SLC2A13: variants seen among roughly 807,000 people sequenced by gnomAD.
SLC2A13 encodes the protein solute carrier family 2 member 13, also known as proton myo-inositol cotransporter.
In SLC2A13, 32 loss-of-function variants were observed where a neutral mutation model predicts 64.4. The ratio of observed to expected loss-of-function variants is 0.50; its 90% confidence interval spans 0.37 to 0.67. SLC2A13 has a LOEUF of 0.67. SLC2A13 is among the 30% of genes least tolerant of loss of function. SLC2A13 has a pLI of 0.00. For synonymous variants in SLC2A13, 338 were observed against 327.1 expected (o/e 1.03, Z -0.36); for missense variants, 743 against 829.2 (o/e 0.90, Z 1.28).
chr12:39,788,888 A>G (rs1941280474), intron 7 of SLC2A13, among the ~76,000 whole-genome samples: 1 of 152,154 alleles, frequency 6.6e-6, no homozygotes, highest in Non-Finnish European at 1.5e-5. Context: ...TATCACCATA[A>G]AATAAATATT....
chr12:39,904,433 G>T (rs774920643), intron 4 of SLC2A13, among the ~76,000 whole-genome samples: 15 of 152,094 alleles, frequency 9.9e-5, no homozygotes, highest in African/African-American at 1.4e-4. Context: ...CTTGTGAGCA[G>T]GTCTTTCTAA....
chr12:40,031,228 T>A (rs1267477155), intron 2 of SLC2A13, among the ~76,000 whole-genome samples: 1 of 152,004 alleles, frequency 6.6e-6, no homozygotes, highest in Non-Finnish European at 1.5e-5. Context: ...TTTTATTTAT[T>A]TATTTATTTT....
rs558270272 is a variant in SLC2A13, at chr12:39,885,134, T to C, written c.1035-13173A>G. ...ATGATGAAATGGAAAAGGAGCTCTG[T>C]GCACTGCAGCTCATGAGGCAAAAGA... On this transcript the variant is annotated intron_variant, in intron 4 of 9. Transcript: ENST00000280871. Among the ~76,000 whole-genome samples, 6 of 152,312 alleles carry C rather than the reference T, an allele frequency of 3.9e-5. No homozygotes were observed. The South Asian group carries it at 6.2e-4, about 16-fold the overall frequency.
intron 3 of SLC2A13, among the ~76,000 whole-genome samples, chr12:40,014,704 G>A (rs1010623633): frequency 2.6e-5 from 4 of 152,066 alleles, no homozygotes; most frequent in Non-Finnish European, 5.9e-5. Flanking sequence ...ATGTTGGTCA[G>A]GCTGGTCTTA....
At chr12:39,999,030 T>A (rs1947281052) in intron 3 of SLC2A13, among the ~76,000 whole-genome samples, 1 of 152,150 alleles carries the variant, frequency 6.6e-6, no homozygotes, top group African/African-American at 2.4e-5. Context: ...GAACATAAAT[T>A]GTGAAGATTT....
chr12:40,022,639 C>T (rs1947738618), intron 3 of SLC2A13, among the ~76,000 whole-genome samples: 1 of 152,150 alleles, frequency 6.6e-6, no homozygotes, highest in Non-Finnish European at 1.5e-5. Flanking sequence ...GAGTTCAAGG[C>T]CAGCCTGGCC....
At chr12:39,921,179 G>A (rs1945609456) in intron 4 of SLC2A13, among the ~76,000 whole-genome samples, 1 of 152,070 alleles carries the variant, frequency 6.6e-6, no homozygotes, top group East Asian at 1.9e-4. Flanking sequence ...CAATTTCTGA[G>A]GGTAAGAATT....
At chr12:40,053,011 G>A (rs920094541) in intron 1 of SLC2A13, among the ~76,000 whole-genome samples, 2 of 152,110 alleles carry the variant, frequency 1.3e-5, no homozygotes, top group African/African-American at 4.8e-5. Flanking sequence ...GCTGGGCGCA[G>A]TTTGTTCATG....
chr12:40,060,131 C>T (rs557276810), intron 1 of SLC2A13, among the ~76,000 whole-genome samples: 6 of 151,220 alleles, frequency 4.0e-5, no homozygotes, highest in Non-Finnish European at 7.4e-5. Flanking sequence ...ATGGATGCAT[C>T]GATGGACAGA....
intron 9 of SLC2A13, among the ~76,000 whole-genome samples, chr12:39,762,175 G>A (rs946421822): frequency 3.9e-5 from 6 of 152,066 alleles, no homozygotes; most frequent in African/African-American, 1.4e-4. Flanking sequence ...GGAGGAGTGT[G>A]GGCAGACCTG....
At chr12:40,024,846 CTT>C (rs1947778217) in intron 3 of SLC2A13, among the ~76,000 whole-genome samples, 1 of 152,160 alleles carries the variant, frequency 6.6e-6, no homozygotes. Context: ...ATCTGGTTTT[CTT>C]TTCTTACAAA....
At chr12:40,088,207 T>C (rs1042660042) in intron 1 of SLC2A13, among the ~76,000 whole-genome samples, 41 of 152,264 alleles carry the variant, frequency 2.7e-4, no homozygotes, top group African/African-American at 9.6e-4. Context: ...AGTACAAAAG[T>C]ATAGACAGTT....
chr12:39,788,201 T>C (rs1436331526), intron 7 of SLC2A13, among the ~76,000 whole-genome samples: 2 of 152,196 alleles, frequency 1.3e-5, no homozygotes, highest in African/African-American at 2.4e-5. Context: ...GTCATTTTCC[T>C]ACATTTATAA....
At chr12:40,036,977 C>A (rs1270367008) in intron 2 of SLC2A13, among the ~76,000 whole-genome samples, 1 of 152,106 alleles carries the variant, frequency 6.6e-6, no homozygotes, top group Admixed American at 6.6e-5. Flanking sequence ...CAAATATTTT[C>A]TCTGCATATA....
At position 39,759,563 on chromosome 12, in the gene SLC2A13, T is replaced by C. The variant is rs1016525938; in HGVS notation, c.*463A>G. 6.5e-6 allele frequency: 1 copy of C among 154,094 alleles called. No individual in the cohort carries two copies. The highest frequency in any genetic ancestry group is 2.4e-5 in the African/African-American group (1 of 41,426). 9.5% of individuals were successfully genotyped at this position (154,094 alleles called of 1,614,324 possible). A position where few individuals can be genotyped will look rare whatever the true frequency, so the allele number is the denominator to read the frequency against. The stretch of plus-strand genomic sequence containing the variant: ...TAACAGCTGATCAGAGATAAGCCAC[T>C]ACTCTGTAGGAAAACTGAGGGCCAA... On this transcript the variant is annotated 3_prime_UTR_variant, in exon 10 of 10. Transcript: ENST00000280871.
At chr12:39,852,071 T>A (rs916247719) in intron 6 of SLC2A13, among the ~76,000 whole-genome samples, 1 of 152,172 alleles carries the variant, frequency 6.6e-6, no homozygotes, top group African/African-American at 2.4e-5. Context: ...AAAACACAGG[T>A]GTGTGTGAGG....
At chr12:40,016,507 T>C (rs1329640272) in intron 3 of SLC2A13, among the ~76,000 whole-genome samples, 1 of 152,220 alleles carries the variant, frequency 6.6e-6, no homozygotes, top group Non-Finnish European at 1.5e-5. Context: ...TACAATTCTA[T>C]GGTCAAGATA....
intron 4 of SLC2A13, among the ~76,000 whole-genome samples, chr12:39,932,880 G>C (rs907191405): frequency 7.9e-5 from 12 of 151,928 alleles, no homozygotes; most frequent in African/African-American, 2.9e-4. Flanking sequence ...ATAAAGGTGG[G>C]GGTGGGATGA....
chr12:39,809,289 A>G (rs1056239865), intron 7 of SLC2A13, among the ~76,000 whole-genome samples: 26 of 152,210 alleles, frequency 1.7e-4, no homozygotes, highest in Non-Finnish European at 2.9e-4. Flanking sequence ...TTTTACCAAC[A>G]TCACATTGTC....
Sources: gnomAD v4.1 joint callset for allele counts (sites outside exome capture counted in the v4.1 genomes callset) on GRCh38, gnomAD v4.1.1 for gene constraint, MANE v1.5 for transcripts, NCBI Gene and HGNC (gene_info 2026-07-23, HGNC 2026-07-21) for gene names.